AQP3: variants seen among roughly 807,000 people sequenced by gnomAD.
The protein encoded by AQP3 is aquaporin-3.
AQP3 carries 15 observed loss-of-function variants against 30.3 expected under a neutral mutation model. The observed-to-expected ratio is 0.49, with a 90% confidence interval of 0.33 to 0.76. The LOEUF is 0.76. Ranked by LOEUF, AQP3 falls within the 30% of genes least tolerant of loss-of-function variation. The probability of loss-of-function intolerance (pLI) is 0.02; values close to 1 mark genes in which losing one functional copy is unlikely to be tolerated. For missense variants in AQP3, 272 were observed against 384.8 expected, an observed-to-expected ratio of 0.71 and a Z score of 2.45; for synonymous variants, 153 against 163.2, an observed-to-expected ratio of 0.94 and a Z score of 0.47.
rs1336439105 is a variant in AQP3, at chr9:33,442,317, C to T, written c.694G>A (p.Gly232Ser). The change falls in exon 5 of 6, where the codon GGC (glycine) becomes AGC (serine). Residue 232 changes from glycine to serine, a missense_variant. By Grantham distance (56) the Gly-to-Ser change is moderately conservative. Coordinates refer to ENST00000297991, the MANE Select transcript of AQP3 (RefSeq NM_004925.5). Reference protein sequence around the residue: ...PRLFTALAGWGSAVFTTGQHW... With the variant: ...PRLFTALAGWSSAVFTTGQHW... ...TGTACTCACGTGAAGACTGCAGAGC[C>T]CCAGCCCGCAAGGGCTGTAAAAAGG... The T allele has an allele frequency of 1.2e-6, 2 of 1,613,028 alleles. No homozygotes were observed. The highest frequency in any genetic ancestry group is 1.7e-6 in the Non-Finnish European group (2 of 1,179,698).
Position 33,443,171 on chromosome 9 carries a change from C to T in AQP3, c.373+150G>A, listed in dbSNP as rs760295780. ...CCCAACTTGTTTCTTTCCCTTCGTGCCCCCTACCTTGACCCTGTGCGTGAA... is the reference window on the plus strand; with the variant it reads ...CCCAACTTGTTTCTTTCCCTTCGTGTCCCCTACCTTGACCCTGTGCGTGAA... On this transcript the variant is annotated intron_variant, in intron 3 of 5. Transcript: ENST00000297991. The surrounding 1 kb of genome is among the most constrained non-coding windows in gnomAD (Gnocchi z 5.0). 3.9e-5 allele frequency: 50 copies of T among 1,273,312 alleles called. No individual in the cohort carries two copies. The highest frequency in any genetic ancestry group is 3.9e-4 in the African/African-American group (26 of 67,284). The allele number at this position is 1,273,312 out of a possible 1,614,324, so 78.9% of individuals were successfully genotyped here.
intron 1 of AQP3, 141 bp from the exon 2 acceptor site, chr9:33,444,033 T>C: frequency 1.9e-6 from 2 of 1,074,386 alleles, no homozygotes; most frequent in Non-Finnish European, 2.6e-6. Context: ...AAACCCCTTC[T>C]GCTGTAATTG....
At position 33,443,085 on chromosome 9, in the gene AQP3, T is replaced by C. The variant is rs1826863999; in HGVS notation, c.374-115A>G. 4.4e-6 allele frequency: 5 copies of C among 1,124,682 alleles called. No homozygotes were observed. The highest frequency in any genetic ancestry group is 6.7e-6 in the Non-Finnish European group (5 of 747,286). The allele number at this position is 1,124,682 out of a possible 1,614,324, so 69.7% of individuals were successfully genotyped here. A position where few individuals can be genotyped will look rare whatever the true frequency, so the allele number is the denominator to read the frequency against. Reference sequence around the variant, plus strand: ...TTATGGGTAAGTAGCAATACTGCTGTATTGCAGCAGGCAGAGGGGGTGGCG... The same window carrying C: ...TTATGGGTAAGTAGCAATACTGCTGCATTGCAGCAGGCAGAGGGGGTGGCG... On this transcript the variant is annotated intron_variant, in intron 3 of 5. Coordinates refer to ENST00000297991, the MANE Select transcript of AQP3 (RefSeq NM_004925.5). This position sits in a 1 kb window ranked among gnomAD's most constrained non-coding sequence, Gnocchi z 5.0.
At position 33,442,404 on chromosome 9, in the gene AQP3, CA is replaced by C; in HGVS notation, c.606del (p.Ile202MetfsTer62). On this transcript the variant is annotated frameshift_variant, in exon 5 of 6. Coordinates refer to ENST00000297991, the MANE Select transcript of AQP3 (RefSeq NM_004925.5). LOFTEE classifies it high-confidence loss of function. ...AFTVGLVVLVIGTSMGFNSGY... is the reference protein window; with the variant it reads ...AFTVGLVVLVXGTSMGFNSGY... The stretch of plus-strand genomic sequence containing the variant: ...CCGGAGTTGAAGCCCATGGAGGTGC[CA>C]ATGACCAGGACCACCAGGCCCACGG... 2 of 1,611,774 alleles carry C rather than the reference CA, an allele frequency of 1.2e-6. No homozygotes were observed. The highest frequency in any genetic ancestry group is 1.7e-6 in the Non-Finnish European group (2 of 1,179,332).
intron 1 of AQP3, among the ~76,000 whole-genome samples, chr9:33,445,893 T>A (rs1271386692): frequency 6.6e-6 from 1 of 152,212 alleles, no homozygotes; most frequent in Non-Finnish European, 1.5e-5. Flanking sequence ...TCCTTGAAGT[T>A]CTGCTTCTCA....
At chr9:33,445,028 G>C (rs1019964245) in intron 1 of AQP3, among the ~76,000 whole-genome samples, 1 of 152,094 alleles carries the variant, frequency 6.6e-6, no homozygotes, top group East Asian at 1.9e-4. Flanking sequence ...AGCCAGCTGT[G>C]GTGGCTCACA....
Position 33,443,044 on chromosome 9 carries a change from C to T in AQP3, c.374-74G>A. On this transcript the variant is annotated intron_variant, in intron 3 of 5. Coordinates refer to ENST00000297991, the MANE Select transcript of AQP3 (RefSeq NM_004925.5). This position sits in a 1 kb window ranked among gnomAD's most constrained non-coding sequence, Gnocchi z 5.0. Reference sequence around the variant, plus strand: ...AGACTTCCCTCTCAGGTGTGCCCTCCCCACCCTCCCATGAGTTATGGGTAA... The same window carrying T: ...AGACTTCCCTCTCAGGTGTGCCCTCTCCACCCTCCCATGAGTTATGGGTAA... 1 of 1,393,808 alleles carries T rather than the reference C, an allele frequency of 7.2e-7. No individual in the cohort carries two copies. Among genetic ancestry groups the T allele is most frequent in the Non-Finnish European group, 1.0e-6 (1 of 981,492 alleles). The allele number at this position is 1,393,808 out of a possible 1,614,324, so 86.3% of individuals were successfully genotyped here.
Position 33,443,743 on chromosome 9 carries a change from TG to T in AQP3, c.235+22del, listed in dbSNP as rs751060310. 1 of 1,613,768 alleles carries T rather than the reference TG, an allele frequency of 6.2e-7. No homozygotes were observed. The highest frequency in any genetic ancestry group is 8.5e-7 in the Non-Finnish European group (1 of 1,179,928). ...GGGAATGCTATTGAGGGCCAAGGGC[TG>T]GGGGCAGGGTTAAGGCCTTACCAGA... On this transcript the variant is annotated intron_variant, in intron 2 of 5. Coordinates refer to ENST00000297991, the MANE Select transcript of AQP3 (RefSeq NM_004925.5). The surrounding 1 kb of genome is among the most constrained non-coding windows in gnomAD (Gnocchi z 5.0).
chr9:33,445,151 C>T (rs778546972), intron 1 of AQP3, among the ~76,000 whole-genome samples: 1 of 152,112 alleles, frequency 6.6e-6, no homozygotes, highest in Non-Finnish European at 1.5e-5. Context: ...AGAAAAAGAA[C>T]GTACTATGTC....
At chr9:33,447,357 G>A in intron 1 of AQP3, 66 bp downstream of exon 1, 1 of 1,383,718 alleles carries the variant, frequency 7.2e-7, no homozygotes, top group Non-Finnish European at 1.0e-6. Context: ...GCCCCTTCGG[G>A]GAAGTGAGAG....
Position 33,441,285 on chromosome 9 carries a change from T to C in AQP3, c.*758A>G, listed in dbSNP as rs747116263. Reference sequence around the variant, plus strand: ...CTCCCATCCCGGATCCCTAAGACTGTAACATCTGCTACATACATTAAAAAC... The same window carrying C: ...CTCCCATCCCGGATCCCTAAGACTGCAACATCTGCTACATACATTAAAAAC... On this transcript the variant is annotated 3_prime_UTR_variant, in exon 6 of 6. Transcript: ENST00000297991. 3.9e-5 allele frequency: 6 copies of C among 153,346 alleles called. No individual in the cohort carries two copies. The highest frequency in any genetic ancestry group is 6.5e-5 in the Admixed American group (1 of 15,286). The allele number at this position is 153,346 out of a possible 1,614,324, so 9.5% of individuals were successfully genotyped here. A position where few individuals can be genotyped will look rare whatever the true frequency, so the allele number is the denominator to read the frequency against.
At position 33,441,973 on chromosome 9, in the gene AQP3, G is replaced by GA. The variant is rs1826840650; in HGVS notation, c.*69dup. ...GTGGATCGTGAAGGGGGCTTCTTGGGAGTGGCCCTTGGACAGTCAGTGGAT... is the reference window on the plus strand; with the variant it reads ...GTGGATCGTGAAGGGGGCTTCTTGGGAAGTGGCCCTTGGACAGTCAGTGGAT... On this transcript the variant is annotated 3_prime_UTR_variant, in exon 6 of 6. Coordinates refer to ENST00000297991, the MANE Select transcript of AQP3 (RefSeq NM_004925.5). The GA allele has an allele frequency of 6.3e-7, 1 of 1,582,848 alleles. No individual in the cohort carries two copies. The highest frequency in any genetic ancestry group is 1.3e-5 in the African/African-American group (1 of 74,482).
chr9:33,443,857 G>A lies in AQP3; in HGVS notation c.144C>T (p.Leu48=), dbSNP rs115867370. 2.3e-4 allele frequency: 370 copies of A among 1,613,962 alleles called. 2 individuals are homozygous for A. In the East Asian group the frequency reaches 6.0e-3, roughly 26 times the overall value. ...FGCGSVAQVV[L]SRGTHGGFLT... is the part of the protein sequence containing the mutation. ...GGAAACCACCGTGGGTGCCCCGGCT[G>A]AGCACAACCTGGGCCACGGAGCCAC... The change falls in exon 2 of 6, where the codon CTC becomes CTT. Residue 48 remains leucine (L), a synonymous_variant. Coordinates refer to ENST00000297991, the MANE Select transcript of AQP3 (RefSeq NM_004925.5). This position sits in a 1 kb window ranked among gnomAD's most constrained non-coding sequence, Gnocchi z 5.0.
Position 33,443,688 on chromosome 9 carries a change from C to A in AQP3, c.235+78G>T. On this transcript the variant is annotated intron_variant, in intron 2 of 5. Transcript: ENST00000297991. The surrounding 1 kb of genome is among the most constrained non-coding windows in gnomAD (Gnocchi z 5.0). Reference sequence around the variant, plus strand: ...GCCAAAGCAGAGGCCACAGCTGTGACCTGCCCTTAGGAATGCCAGGACACC... The same window carrying A: ...GCCAAAGCAGAGGCCACAGCTGTGAACTGCCCTTAGGAATGCCAGGACACC... 1 of 1,605,276 alleles carries A rather than the reference C, an allele frequency of 6.2e-7. No individual in the cohort carries two copies. The highest frequency in any genetic ancestry group is 8.5e-7 in the Non-Finnish European group (1 of 1,173,816).
rs979798415 is a variant in AQP3, at chr9:33,447,586, C to A, written c.-56G>T. On this transcript the variant is annotated 5_prime_UTR_variant, in exon 1 of 6. Coordinates refer to ENST00000297991, the MANE Select transcript of AQP3 (RefSeq NM_004925.5). ...GCAGGGGTGGCGGGAGGCGGTGGCGCAGCGAGCAGCGGCCTCCAGCGCTGG... is the reference window on the plus strand; with the variant it reads ...GCAGGGGTGGCGGGAGGCGGTGGCGAAGCGAGCAGCGGCCTCCAGCGCTGG... The A allele has an allele frequency of 8.8e-6, 12 of 1,367,402 alleles. No homozygotes were observed. Among genetic ancestry groups the A allele is most frequent in the Non-Finnish European group, 1.2e-5 (12 of 991,966 alleles). 84.7% of individuals were successfully genotyped at this position (1,367,402 alleles called of 1,614,324 possible). A position where few individuals can be genotyped will look rare whatever the true frequency, so the allele number is the denominator to read the frequency against.
rs780717697 is a variant in AQP3 at position 33,442,922 on chromosome 9, T to C, written c.422A>G (p.Asn141Ser). 9.9e-6 allele frequency: 16 copies of C among 1,614,040 alleles called. No individual in the cohort carries two copies. The highest frequency in any genetic ancestry group is 6.7e-5 in the East Asian group (3 of 44,894). Residue 141 changes from asparagine to serine, a missense_variant, in exon 4 of 6, where the codon AAT becomes AGT. Physicochemically the swap from Asn to Ser is conservative, Grantham distance 46. Around this residue, in one of 3 missense-constraint regions of AQP3, gnomAD observed 170 missense variants for 286.4 expected, o/e 0.59. Coordinates refer to ENST00000297991, the MANE Select transcript of AQP3 (RefSeq NM_004925.5). ...ADNQLFVSGP[N>S]GTAGIFATYP... Reference sequence around the variant, plus strand: ...GGTAGCAAAGATGCCGGCTGTGCCATTGGGGCCCGAAACAAAAAGCTGGTT... The same window carrying C: ...GGTAGCAAAGATGCCGGCTGTGCCACTGGGGCCCGAAACAAAAAGCTGGTT...
chr9:33,442,249 G>T (rs769569100), intron 5 of AQP3, 38 bp from the exon 6 acceptor site: 2 of 1,610,774 alleles, frequency 1.2e-6, no homozygotes, highest in Non-Finnish European at 1.7e-6. Flanking sequence ...GACATGGGGG[G>T]CAGGGCAGAG....
Position 33,443,596 on chromosome 9 carries a change from C to G in AQP3, c.236-138G>C. ...TATGTAACAGGTCAGCTGATAATCTCTGATTCCAAGGTGAGAGTCGAAAGT... is the reference window on the plus strand; with the variant it reads ...TATGTAACAGGTCAGCTGATAATCTGTGATTCCAAGGTGAGAGTCGAAAGT... On this transcript the variant is annotated intron_variant, in intron 2 of 5. Coordinates refer to ENST00000297991, the MANE Select transcript of AQP3 (RefSeq NM_004925.5). This position sits in a 1 kb window ranked among gnomAD's most constrained non-coding sequence, Gnocchi z 5.0. The G allele has an allele frequency of 6.9e-7, 1 of 1,451,572 alleles. No individual in the cohort carries two copies. The highest frequency in any genetic ancestry group is 2.4e-5 in the East Asian group (1 of 41,196). The allele number at this position is 1,451,572 out of a possible 1,614,324, so 89.9% of individuals were successfully genotyped here. A position where few individuals can be genotyped will look rare whatever the true frequency, so the allele number is the denominator to read the frequency against.
rs1826855105 is a variant in AQP3, at chr9:33,442,637, C to T, written c.493-119G>A. The stretch of plus-strand genomic sequence containing the variant: ...TGTCAGCGCCCGCCCATGCTCTTCT[C>T]CTGAAAGCAATGGTGCTAGAATGTC... On this transcript the variant is annotated intron_variant, in intron 4 of 5. Transcript: ENST00000297991. 7 of 1,196,494 alleles carry T rather than the reference C, an allele frequency of 5.9e-6. No homozygotes were observed. The South Asian group carries it at 7.8e-5, about 13-fold the overall frequency. 74.1% of individuals were successfully genotyped at this position (1,196,494 alleles called of 1,614,324 possible).
Sources: gnomAD v4.1 joint callset for allele counts (sites outside exome capture counted in the v4.1 genomes callset) on GRCh38, gnomAD v4.1.1 for gene constraint, gnomAD v4.1.1 regional missense constraint, Gnocchi (gnomAD v3.1) non-coding constraint, MANE v1.5 for transcripts, NCBI Gene and HGNC (gene_info 2026-07-23, HGNC 2026-07-21) for gene names.